Variants in KIRREL3 observed in about 807,000 individuals in gnomAD.
KIRREL3 encodes the protein kirre like nephrin family adhesion molecule 3.
KIRREL3 carries 36 observed loss-of-function variants against 89.7 expected under a neutral mutation model. The observed-to-expected ratio is 0.40, with a 90% CI of 0.31 to 0.53. KIRREL3 has a LOEUF of 0.53. KIRREL3 is among the 20% of genes least tolerant of loss of function. KIRREL3 has a pLI of 0.49. For synonymous variants in KIRREL3, 445 were observed against 441.4 expected, an observed-to-expected ratio of 1.01 and a Z score of -0.10; for missense variants, 864 against 1,056.6, an observed-to-expected ratio of 0.82 and a Z score of 2.53.
intron 1 of KIRREL3, among the ~76,000 whole-genome samples, chr11:126,713,484 A>C (rs12418859): frequency 0.044 from 6,749 of 152,222 alleles, 190 homozygotes; most frequent in Non-Finnish European, 0.06. Context: ...GGTATGTAGG[A>C]AGATGGGGCA....
At position 126,669,546 on chromosome 11, in the gene KIRREL3, A is replaced by G. The variant is rs1315015736; in HGVS notation, c.56-106634T>C. Among the ~76,000 whole-genome samples, 1 of 152,192 alleles carries G rather than the reference A, an allele frequency of 6.6e-6. No individual in the cohort carries two copies. Among genetic ancestry groups the G allele is most frequent in the African/African-American group, 2.4e-5 (1 of 41,436 alleles). ...TGGTTCGGACTAATACATCTTTTCCAGTGCATGGGTACAGATCTCAGTAGC... is the reference window on the plus strand; with the variant it reads ...TGGTTCGGACTAATACATCTTTTCCGGTGCATGGGTACAGATCTCAGTAGC... On this transcript the variant is annotated intron_variant, in intron 1 of 16. Transcript: ENST00000525144. The surrounding 1 kb of genome is among the most constrained non-coding windows in gnomAD (Gnocchi z 5.0).
intron 1 of KIRREL3, among the ~76,000 whole-genome samples, chr11:126,661,956 G>T (rs74940524): frequency 6.6e-6 from 1 of 152,138 alleles, no homozygotes; most frequent in African/African-American, 2.4e-5. Flanking sequence ...CTTCTTTACA[G>T]GATGACAGGA....
rs560933022 is a variant in KIRREL3, at chr11:126,443,401, C to T, written c.1252+1578G>A. ...TGCAGCCTGTGTTGCCATGGATATA[C>T]GGAGGCGCGATCAGATGCTGTTATT... On this transcript the variant is annotated intron_variant, in intron 10 of 16. Coordinates refer to ENST00000525144, the MANE Select transcript of KIRREL3 (RefSeq NM_032531.4). This position sits in a 1 kb window ranked among gnomAD's most constrained non-coding sequence, Gnocchi z 7.3. Among the ~76,000 whole-genome samples, 56 of 152,296 alleles carry T rather than the reference C, an allele frequency of 3.7e-4. No homozygotes were observed. The highest frequency in any genetic ancestry group is 1.2e-3 in the African/African-American group (50 of 41,562).
At position 126,526,394 on chromosome 11, in the gene KIRREL3, C is replaced by A; in HGVS notation, c.283+144G>T. The A allele has an allele frequency of 1.2e-6, 1 of 802,832 alleles. No homozygotes were observed. The highest frequency in any genetic ancestry group is 2.0e-6 in the Non-Finnish European group (1 of 512,146). 49.7% of individuals were successfully genotyped at this position (802,832 alleles called of 1,614,324 possible). ...GATGCTGGGTGCAGTGCTTGCCTAG[C>A]CTGACTCTGCCTGAGGAGTTGCAGT... On this transcript the variant is annotated intron_variant, in intron 3 of 16. Transcript: ENST00000525144. This position sits in a 1 kb window ranked among gnomAD's most constrained non-coding sequence, Gnocchi z 5.7.
In KIRREL3 at chr11:126,870,146, G is replaced by T. The variant is rs189185492; in HGVS notation, c.55+130309C>A. The stretch of plus-strand genomic sequence containing the variant: ...TTAATGACCAGGAGTGAGTGTGGGC[G>T]AGTGTGGGGCACAGGGTCGTATGTC... On this transcript the variant is annotated intron_variant, in intron 1 of 16. Coordinates refer to ENST00000525144, the MANE Select transcript of KIRREL3 (RefSeq NM_032531.4). This position sits in a 1 kb window ranked among gnomAD's most constrained non-coding sequence, Gnocchi z 4.4. 6.6e-6 allele frequency among the ~76,000 whole-genome samples: 1 copy of T among 152,190 alleles called. No individual in the cohort carries two copies. Among genetic ancestry groups the T allele is most frequent in the African/African-American group, 2.4e-5 (1 of 41,444 alleles).
intron 1 of KIRREL3, among the ~76,000 whole-genome samples, chr11:126,657,278 A>AAATCAATCAATCAATC (rs1409560857): frequency 6.6e-6 from 1 of 151,824 alleles, no homozygotes. Context: ...ATAAATAAAT[A>AAATCAATCAATCAATC]AATCTTCATG....
intron 1 of KIRREL3, among the ~76,000 whole-genome samples, chr11:126,873,895 C>T (rs1282296939): frequency 6.6e-6 from 1 of 152,218 alleles, no homozygotes; most frequent in Non-Finnish European, 1.5e-5. Flanking sequence ...TCAGCAGGGC[C>T]ACATATTGGG....
intron 1 of KIRREL3, among the ~76,000 whole-genome samples, chr11:126,722,641 A>G (rs977372573): frequency 3.9e-5 from 6 of 152,284 alleles, no homozygotes; most frequent in Admixed American, 3.9e-4. Context: ...AAAGACTGGA[A>G]TGTTTACTGA....
intron 4 of KIRREL3, among the ~76,000 whole-genome samples, chr11:126,483,043 G>A (rs946394596): frequency 2.6e-5 from 4 of 152,238 alleles, no homozygotes; most frequent in South Asian, 2.1e-4. Context: ...CTTCCTGGGC[G>A]AGAGCTAGCT....
intron 2 of KIRREL3, among the ~76,000 whole-genome samples, chr11:126,547,078 T>C (rs1032362343): frequency 2.0e-5 from 3 of 152,156 alleles, no homozygotes; most frequent in African/African-American, 7.2e-5. Flanking sequence ...TTATAAAGAG[T>C]GTTCACCCAT....
chr11:126,489,070 G>A lies in KIRREL3; in HGVS notation c.434-15604C>T, dbSNP rs1467179115. The stretch of plus-strand genomic sequence containing the variant: ...TGCCCTCTGACCTCCACTAGACTGC[G>A]CTTAGGCATCTGGAGCGCAGCAGTC... On this transcript the variant is annotated intron_variant, in intron 4 of 16. Transcript: ENST00000525144. This position sits in a 1 kb window ranked among gnomAD's most constrained non-coding sequence, Gnocchi z 5.5. 2.0e-5 allele frequency among the ~76,000 whole-genome samples: 3 copies of A among 152,152 alleles called. No homozygotes were observed. The highest frequency in any genetic ancestry group is 4.4e-5 in the Non-Finnish European group (3 of 68,020).
intron 1 of KIRREL3, among the ~76,000 whole-genome samples, chr11:126,658,243 A>G (rs1945244239): frequency 6.6e-6 from 1 of 152,192 alleles, no homozygotes; most frequent in Non-Finnish European, 1.5e-5. Context: ...TCATTTTTGC[A>G]TGTCAGTGGG....
rs1476773177 is a variant in KIRREL3 at position 126,985,585 on chromosome 11, G to A, written c.55+14870C>T. Among the ~76,000 whole-genome samples, 1 of 152,088 alleles carries A rather than the reference G, an allele frequency of 6.6e-6. No homozygotes were observed. The highest frequency in any genetic ancestry group is 1.5e-5 in the Non-Finnish European group (1 of 68,020). On this transcript the variant is annotated intron_variant, in intron 1 of 16. Coordinates refer to ENST00000525144, the MANE Select transcript of KIRREL3 (RefSeq NM_032531.4). The surrounding 1 kb of genome is among the most constrained non-coding windows in gnomAD (Gnocchi z 5.3). ...TTATCTAGACTAACCTGGGGGAGAG[G>A]AGACGGCCACTCCAGAGGGACAGGA...
chr11:126,565,017 A>T lies in KIRREL3; in HGVS notation c.56-2105T>A, dbSNP rs1003643161. 1.3e-5 allele frequency among the ~76,000 whole-genome samples: 2 copies of T among 152,104 alleles called. No homozygotes were observed. The highest frequency in any genetic ancestry group is 4.8e-5 in the African/African-American group (2 of 41,420). On this transcript the variant is annotated intron_variant, in intron 1 of 16. Coordinates refer to ENST00000525144, the MANE Select transcript of KIRREL3 (RefSeq NM_032531.4). The surrounding 1 kb of genome is among the most constrained non-coding windows in gnomAD (Gnocchi z 5.4). ...CTAAAGCACATCAGCAATGGCTCCTAATGAGAAAGGGAGTTTGGGCTCCTG... is the reference window on the plus strand; with the variant it reads ...CTAAAGCACATCAGCAATGGCTCCTTATGAGAAAGGGAGTTTGGGCTCCTG...
rs908365797 is a variant in KIRREL3, at chr11:126,455,690, G to A, written c.848+659C>T. 6.6e-6 allele frequency among the ~76,000 whole-genome samples: 1 copy of A among 152,112 alleles called. No individual in the cohort carries two copies. Among genetic ancestry groups the A allele is most frequent in the Non-Finnish European group, 1.5e-5 (1 of 68,028 alleles). ...GGGCGCCTGTAGTCCCAGCTACTTG[G>A]GAGGCTGAGGCGGGAGAATGGCGTG... On this transcript the variant is annotated intron_variant, in intron 7 of 16. Transcript: ENST00000525144. This position sits in a 1 kb window ranked among gnomAD's most constrained non-coding sequence, Gnocchi z 6.4.
chr11:126,932,704 G>T (rs1020094647), intron 1 of KIRREL3, among the ~76,000 whole-genome samples: 2 of 152,148 alleles, frequency 1.3e-5, no homozygotes, highest in Non-Finnish European at 2.9e-5. Context: ...AGGGCAAAAG[G>T]CCTATGTATT....
intron 1 of KIRREL3, among the ~76,000 whole-genome samples, chr11:126,855,327 C>T (rs1025951196): frequency 1.3e-5 from 2 of 152,102 alleles, no homozygotes; most frequent in Non-Finnish European, 2.9e-5. Context: ...TGGGGAATGC[C>T]GGCTCCTGCG....
intron 1 of KIRREL3, among the ~76,000 whole-genome samples, chr11:126,864,026 C>A (rs1247786253): frequency 6.6e-6 from 1 of 152,222 alleles, no homozygotes; most frequent in Non-Finnish European, 1.5e-5. Flanking sequence ...GAAGTGGGTA[C>A]TAGTTTCCTC....
Position 126,909,150 on chromosome 11 carries a change from T to C in KIRREL3, c.55+91305A>G, listed in dbSNP as rs902002878. ...GTAATTGCAATCTGAATGACCACCATGAAGACATAGGTCACCATGAACATG... is the reference window on the plus strand; with the variant it reads ...GTAATTGCAATCTGAATGACCACCACGAAGACATAGGTCACCATGAACATG... On this transcript the variant is annotated intron_variant, in intron 1 of 16. Coordinates refer to ENST00000525144, the MANE Select transcript of KIRREL3 (RefSeq NM_032531.4). This position sits in a 1 kb window ranked among gnomAD's most constrained non-coding sequence, Gnocchi z 4.5. Among the ~76,000 whole-genome samples, 3 of 152,092 alleles carry C rather than the reference T, an allele frequency of 2.0e-5. No homozygotes were observed. Among genetic ancestry groups the C allele is most frequent in the South Asian group, 2.1e-4 (1 of 4,820 alleles).
Sources: allele counts gnomAD v4.1 joint callset (sites outside exome capture counted in the v4.1 genomes callset), GRCh38; gene constraint gnomAD v4.1.1; non-coding constraint Gnocchi (gnomAD v3.1); transcripts MANE v1.5; gene names NCBI Gene and HGNC (gene_info 2026-07-23, HGNC 2026-07-21).